CNTNAP1: variants seen among roughly 807,000 people sequenced by gnomAD.
The protein encoded by CNTNAP1 is contactin associated protein 1, also known as contactin-associated protein 1.
In CNTNAP1, 80 loss-of-function variants were observed where a neutral mutation model predicts 161.5. That is an observed-to-expected ratio of 0.50 (90% confidence interval 0.41 to 0.60). CNTNAP1 has a LOEUF of 0.60. Among genes scored for constraint, CNTNAP1 ranks in the 20% least tolerant of loss-of-function variants. The probability of loss-of-function intolerance (pLI) is 0.00; values close to 1 mark genes in which losing one functional copy is unlikely to be tolerated. For missense variants in CNTNAP1, 1,464 were observed against 1,854.8 expected (o/e 0.79, Z 3.87); for synonymous variants, 695 against 733.1 (o/e 0.95, Z 0.84).
Position 42,698,830 on chromosome 17 carries a change from C to G in CNTNAP1, c.4075C>G (p.Pro1359Ala), listed in dbSNP as rs1399459969. Reference sequence around the variant, plus strand: ...CCAAGCTCCAGCCTCAGCCCCAGCCCCAGCCCCAACTCCAGCCCCAGCCCC... The same window carrying G: ...CCAAGCTCCAGCCTCAGCCCCAGCCGCAGCCCCAACTCCAGCCCCAGCCCC... ...PNQAPASAPA[P>A]APTPAPAPGP... is the part of the protein sequence containing the mutation. The change falls in exon 24 of 24, where the codon CCA (proline) becomes GCA (alanine). Residue 1359 changes from proline to alanine, a missense_variant. Pro to Ala is a conservative substitution (Grantham distance 27). Transcript: ENST00000264638. 6.2e-7 allele frequency: 1 copy of G among 1,601,984 alleles called. No homozygotes were observed. The highest frequency in any genetic ancestry group is 1.3e-5 in the African/African-American group (1 of 74,760).
chr17:42,696,107 C>T lies in CNTNAP1; in HGVS notation c.3429C>T (p.Pro1143=). Reference sequence around the variant, plus strand: ...CTCGACCAGTGACCGATGGCCAGCCCCATAGCATCAATATCACCCGTGTTT... The same window carrying T: ...CTCGACCAGTGACCGATGGCCAGCCTCATAGCATCAATATCACCCGTGTTT... ...LTTRPVTDGQ[P]HSINITRVYR... is the part of the protein sequence containing the mutation. Residue 1143 remains proline, a synonymous_variant, in exon 20 of 24, where the codon CCC becomes CCT. Coordinates refer to ENST00000264638, the MANE Select transcript of CNTNAP1 (RefSeq NM_003632.3). 1 of 1,614,136 alleles carries T rather than the reference C, an allele frequency of 6.2e-7. No individual in the cohort carries two copies. Among genetic ancestry groups the T allele is most frequent in the Middle Eastern group, 1.6e-4 (1 of 6,062 alleles).
chr17:42,685,267 C>T lies in CNTNAP1; in HGVS notation c.562C>T (p.Pro188Ser), dbSNP rs767466032. The T allele has an allele frequency of 2.5e-6, 4 of 1,613,844 alleles. No individual in the cohort carries two copies. The highest frequency in any genetic ancestry group is 3.4e-6 in the Non-Finnish European group (4 of 1,180,046). The change falls in exon 5 of 24, where the codon CCG (proline) becomes TCG (serine). Residue 188 changes from proline (P) to serine (S), a missense_variant. Around this residue, in one of 3 missense-constraint regions of CNTNAP1, gnomAD observed 1,383 missense variants for 1,765.0 expected, o/e 0.78. Coordinates refer to ENST00000264638, the MANE Select transcript of CNTNAP1 (RefSeq NM_003632.3). This position sits in a 1 kb window ranked among gnomAD's most constrained non-coding sequence, Gnocchi z 5.0. The part of the protein sequence containing the change: ...DGDDAISYRF[P>S]RGVSRSLWDV... ...CGACGATGCCATCTCCTACCGCTTC[C>T]CGCGAGGGGTCAGCCGAAGCCTGTG...
chr17:42,699,323 T>C lies in CNTNAP1; in HGVS notation c.*413T>C, dbSNP rs1166890200. 1.3e-5 allele frequency: 2 copies of C among 158,236 alleles called. No homozygotes were observed. Among genetic ancestry groups the C allele is most frequent in the African/African-American group, 2.4e-5 (1 of 41,642 alleles). The allele number at this position is 158,236 out of a possible 1,614,324, so 9.8% of individuals were successfully genotyped here. A position where few individuals can be genotyped will look rare whatever the true frequency, so the allele number is the denominator to read the frequency against. ...TGGGAGTGCAGGGCTGCAGAGGGTA[T>C]GGGGGGAGGAGGCTGCTAAACCCTA... On this transcript the variant is annotated 3_prime_UTR_variant, in exon 24 of 24. Transcript: ENST00000264638.
chr17:42,682,633 C>A lies in CNTNAP1; in HGVS notation c.-197C>A. On this transcript the variant is annotated 5_prime_UTR_variant, in exon 1 of 24. Coordinates refer to ENST00000264638, the MANE Select transcript of CNTNAP1 (RefSeq NM_003632.3). ...AGAGAGAAGAGCGGAGGACCAGGAA[C>A]CAGAGAGAGAGAGAGAGAAAAGAGA... 1.7e-6 allele frequency: 1 copy of A among 598,790 alleles called. No homozygotes were observed. Among genetic ancestry groups the A allele is most frequent in the Non-Finnish European group, 3.0e-6 (1 of 336,346 alleles). 37.1% of individuals were successfully genotyped at this position (598,790 alleles called of 1,614,324 possible). A position where few individuals can be genotyped will look rare whatever the true frequency, so the allele number is the denominator to read the frequency against.
At chr17:42,683,964 G>T (rs1266963953) in intron 2 of CNTNAP1, 42 bp downstream of exon 2, 1 of 1,613,244 alleles carries the variant, frequency 6.2e-7, no homozygotes, top group Non-Finnish European at 8.5e-7. Context: ...GCAGCGCACC[G>T]CGGAAGGGTG....
chr17:42,685,570 G>A lies in CNTNAP1; in HGVS notation c.715+150G>A. The A allele has an allele frequency of 4.0e-6, 3 of 749,548 alleles. No homozygotes were observed. Among genetic ancestry groups the A allele is most frequent in the Non-Finnish European group, 6.4e-6 (3 of 467,574 alleles). 46.4% of individuals were successfully genotyped at this position (749,548 alleles called of 1,614,324 possible). ...AACTGCCCCTTTCTTGTAGCATTTG[G>A]TGCTAGCAAAACACTGGAGTTGAGT... On this transcript the variant is annotated intron_variant, in intron 5 of 23. Coordinates refer to ENST00000264638, the MANE Select transcript of CNTNAP1 (RefSeq NM_003632.3). The surrounding 1 kb of genome is among the most constrained non-coding windows in gnomAD (Gnocchi z 5.0).
At chr17:42,697,159 C>A in intron 20 of CNTNAP1, 115 bp from the exon 21 acceptor site, 1 of 777,382 alleles carries the variant, frequency 1.3e-6, no homozygotes, top group Non-Finnish European at 2.2e-6. Context: ...GAGAGATCTC[C>A]AGTATCTGCC....
At chr17:42,686,862 CT>C (rs2053022267) in intron 6 of CNTNAP1, 40 bp from the exon 7 acceptor site, 1 of 1,559,744 alleles carries the variant, frequency 6.4e-7, no homozygotes, top group Admixed American at 1.9e-5. Context: ...GGCAGGCGCC[CT>C]CCTGTGCCCA....
Position 42,687,011 on chromosome 17 carries a change from C to A in CNTNAP1, c.1009C>A (p.Leu337Met). 6.2e-7 allele frequency: 1 copy of A among 1,613,926 alleles called. No homozygotes were observed. Among genetic ancestry groups the A allele is most frequent in the Non-Finnish European group, 8.5e-7 (1 of 1,179,852 alleles). The change falls in exon 7 of 24, where the codon CTG becomes ATG. Residue 337 changes from leucine (L) to methionine (M), a missense_variant. Leu to Met is a conservative substitution (Grantham distance 15). Coordinates refer to ENST00000264638, the MANE Select transcript of CNTNAP1 (RefSeq NM_003632.3). This position sits in a 1 kb window ranked among gnomAD's most constrained non-coding sequence, Gnocchi z 4.7. ...VIFNRVNIAD[L>M]AVRRHSRITF... ...CTTCAACCGCGTCAACATCGCAGAC[C>A]TGGCCGTGCGGCGCCATTCCCGGAT... is the stretch of plus-strand genomic sequence containing the variant.
Position 42,692,360 on chromosome 17 carries a change from A to G in CNTNAP1, c.2531-139A>G, listed in dbSNP as rs1037771620. ...GTTTTTAAGCAGCTGGTAAGTTTCA[A>G]TGCAAGCTACAGACAAATTGGAGGG... On this transcript the variant is annotated intron_variant, in intron 16 of 23. Transcript: ENST00000264638. The G allele has an allele frequency of 8.3e-6, 6 of 727,076 alleles. No homozygotes were observed. The African/African-American group carries it at 8.9e-5, about 11-fold the overall frequency. The allele number at this position is 727,076 out of a possible 1,614,324, so 45.0% of individuals were successfully genotyped here.
rs756999325 is a variant in CNTNAP1 at position 42,687,821 on chromosome 17, C to T, written c.1146C>T (p.Arg382=). 1.2e-6 allele frequency: 2 copies of T among 1,614,268 alleles called. No homozygotes were observed. Among genetic ancestry groups the T allele is most frequent in the East Asian group, 4.5e-5 (2 of 44,888 alleles). The stretch of plus-strand genomic sequence containing the variant: ...TGCCCGGTTTCCCACGCCGTGGCCG[C>T]CTGGCAGTCTCATTTCGCTTCCGCA... ...VQVPGFPRRG[R]LAVSFRFRTW... is the part of the protein sequence containing the mutation. Residue 382 remains arginine (R), a synonymous_variant, in exon 8 of 24, where the codon CGC becomes CGT. Coordinates refer to ENST00000264638, the MANE Select transcript of CNTNAP1 (RefSeq NM_003632.3). This position sits in a 1 kb window ranked among gnomAD's most constrained non-coding sequence, Gnocchi z 4.7.
rs2053082368 is a variant in CNTNAP1, at chr17:42,691,237, C to G, written c.2160C>G (p.Asp720Glu). 1.9e-6 allele frequency: 3 copies of G among 1,614,186 alleles called. No homozygotes were observed. The highest frequency in any genetic ancestry group is 2.5e-6 in the Non-Finnish European group (3 of 1,180,022). ...PGIQRCACGLDRSCVDPALYC... is the reference protein window; with the variant it reads ...PGIQRCACGLERSCVDPALYC... ...TCCAGCGCTGTGCCTGTGGTCTGGA[C>G]CGGAGCTGTGTGGACCCTGCCTTGT... Residue 720 changes from aspartate (D) to glutamate (E), a missense_variant, in exon 14 of 24, where the codon GAC becomes GAG. Coordinates refer to ENST00000264638, the MANE Select transcript of CNTNAP1 (RefSeq NM_003632.3). This position sits in a 1 kb window ranked among gnomAD's most constrained non-coding sequence, Gnocchi z 4.3.
chr17:42,685,437 T>A lies in CNTNAP1; in HGVS notation c.715+17T>A. The A allele has an allele frequency of 6.3e-7, 1 of 1,595,174 alleles. No individual in the cohort carries two copies. Among genetic ancestry groups the A allele is most frequent in the South Asian group, 1.1e-5 (1 of 90,608 alleles). On this transcript the variant is annotated intron_variant, in intron 5 of 23. Transcript: ENST00000264638. This position sits in a 1 kb window ranked among gnomAD's most constrained non-coding sequence, Gnocchi z 5.0. The stretch of plus-strand genomic sequence containing the variant: ...TGAGCCTGGGTGAGCTCGGCGACCA[T>A]GTGCGATGCGGAGCCAACCCCTGAA...
rs1428377384 is a variant in CNTNAP1, at chr17:42,696,057, A to G, written c.3379A>G (p.Ser1127Gly). ...TLQLRYQLGT[S>G]PYVYQLTTRP... ...TCAGCTGCGATATCAGCTGGGCACC[A>G]GTCCCTACGTGTACCAGCTAACCAC... The change falls in exon 20 of 24, where the codon AGT (serine) becomes GGT (glycine). Residue 1127 changes from serine to glycine, a missense_variant. Ser to Gly is a moderately conservative substitution (Grantham distance 56). Around this residue, in one of 3 missense-constraint regions of CNTNAP1, gnomAD observed 1,383 missense variants for 1,765.0 expected, o/e 0.78. Coordinates refer to ENST00000264638, the MANE Select transcript of CNTNAP1 (RefSeq NM_003632.3). The G allele has an allele frequency of 1.9e-6, 3 of 1,614,180 alleles. No homozygotes were observed. The highest frequency in any genetic ancestry group is 1.7e-6 in the Non-Finnish European group (2 of 1,180,026).
intron 20 of CNTNAP1, 141 bp downstream of exon 20, chr17:42,696,293 C>A (rs939547716): frequency 8.4e-6 from 9 of 1,070,060 alleles, no homozygotes; most frequent in Admixed American, 5.4e-5. Flanking sequence ...CCTCATGTAA[C>A]CCTCACAATA....
Position 42,682,571 on chromosome 17 carries a change from G to A in CNTNAP1, c.-259G>A. The A allele has an allele frequency of 1.9e-6, 1 of 526,654 alleles. No individual in the cohort carries two copies. The highest frequency in any genetic ancestry group is 2.2e-5 in the South Asian group (1 of 44,878). 32.6% of individuals were successfully genotyped at this position (526,654 alleles called of 1,614,324 possible). On this transcript the variant is annotated 5_prime_UTR_variant, in exon 1 of 24. Transcript: ENST00000264638. ...CAGGAGACAGAGGCTGGGGAAGGGG[G>A]GAGGTGAGAGGAAAGAGGGTGGAAA... is the stretch of plus-strand genomic sequence containing the variant.
chr17:42,692,660 C>G lies in CNTNAP1; in HGVS notation c.2692C>G (p.Leu898Val), dbSNP rs1404605816. 1.2e-6 allele frequency: 2 copies of G among 1,614,188 alleles called. No homozygotes were observed. The highest frequency in any genetic ancestry group is 3.3e-5 in the Admixed American group (2 of 60,026). The change falls in exon 17 of 24, where the codon CTG (leucine) becomes GTG (valine). Residue 898 changes from leucine to valine, a missense_variant. Around this residue, in one of 3 missense-constraint regions of CNTNAP1, gnomAD observed 1,383 missense variants for 1,765.0 expected, o/e 0.78. Transcript: ENST00000264638. ...CCGAGTGGATCACCGGCCCTGGGTT[C>G]TGCGGCCTATGCCACTGCAGACCTA... ...RLRVDHRPWV[L>V]RPMPLQTYIW... is the part of the protein sequence containing the mutation.
At chr17:42,697,486 C>T (rs976646927) in intron 21 of CNTNAP1, 68 bp from the exon 22 acceptor site, 2 of 1,609,864 alleles carry the variant, frequency 1.2e-6, no homozygotes, top group African/African-American at 2.7e-5. Context: ...AGTGGGAAAC[C>T]TGTGGACAGT....
At position 42,685,257 on chromosome 17, in the gene CNTNAP1, C is replaced by T; in HGVS notation, c.552C>T (p.Ser184=). 6.2e-7 allele frequency: 1 copy of T among 1,613,882 alleles called. No individual in the cohort carries two copies. The highest frequency in any genetic ancestry group is 1.1e-5 in the South Asian group (1 of 91,090). The change falls in exon 5 of 24, where the codon TCC becomes TCT. Residue 184 remains serine (S), a synonymous_variant. Coordinates refer to ENST00000264638, the MANE Select transcript of CNTNAP1 (RefSeq NM_003632.3). This position sits in a 1 kb window ranked among gnomAD's most constrained non-coding sequence, Gnocchi z 5.0. ...ATTTCGACGGCGACGATGCCATCTCCTACCGCTTCCCGCGAGGGGTCAGCC... is the reference window on the plus strand; with the variant it reads ...ATTTCGACGGCGACGATGCCATCTCTTACCGCTTCCCGCGAGGGGTCAGCC... ...ILYFDGDDAI[S]YRFPRGVSRS...
Sources: gnomAD v4.1 joint callset for allele counts on GRCh38, gnomAD v4.1.1 for gene constraint, gnomAD v4.1.1 regional missense constraint, Gnocchi (gnomAD v3.1) non-coding constraint, MANE v1.5 for transcripts, NCBI Gene and HGNC (gene_info 2026-07-23, HGNC 2026-07-21) for gene names.